The following GFPT1 variants were observed in gnomAD, a reference collection of about 807,000 sequenced individuals.
The protein encoded by GFPT1 is glutamine--fructose-6-phosphate transaminase 1.
Under a neutral mutation model 92.0 loss-of-function variants are expected in GFPT1, and 40 were observed. The ratio of observed to expected loss-of-function variants is 0.43; its 90% confidence interval spans 0.34 to 0.57. The LOEUF is 0.57. GFPT1 is among the 20% of genes least tolerant of loss of function. GFPT1 has a pLI of 0.02. For missense variants in GFPT1, 448 were observed against 869.1 expected (o/e 0.52, Z 6.09); for synonymous variants, 269 against 280.6 (o/e 0.96, Z 0.41).
chr2:69,356,378 G>T, intron 7 of GFPT1, 118 bp downstream of exon 7: 3 of 793,372 alleles, frequency 3.8e-6, no homozygotes, highest in South Asian at 1.4e-5. Context: ...ATGCTCACAT[G>T]AATATATCTA....
intron 13 of GFPT1, among the ~76,000 whole-genome samples, chr2:69,341,741 G>A (rs1267271646): frequency 6.6e-6 from 1 of 152,090 alleles, no homozygotes; most frequent in Non-Finnish European, 1.5e-5. Context: ...TTTCTTTGCA[G>A]TAATGTGCCC....
At chr2:69,346,660 T>C (rs1671090224) in intron 11 of GFPT1, among the ~76,000 whole-genome samples, 2 of 152,152 alleles carry the variant, frequency 1.3e-5, no homozygotes, top group African/African-American at 4.8e-5. Flanking sequence ...ACAGTATGGA[T>C]TGTAGTATGG....
chr2:69,344,667 T>C (rs1345262223), intron 12 of GFPT1, among the ~76,000 whole-genome samples: 5 of 151,960 alleles, frequency 3.3e-5, no homozygotes, highest in Non-Finnish European at 5.9e-5. Context: ...TTTTTTTTTT[T>C]TGAGACAGGT....
intron 1 of GFPT1, among the ~76,000 whole-genome samples, chr2:69,377,305 T>TA (rs1273340685): frequency 2.0e-5 from 3 of 151,784 alleles, no homozygotes; most frequent in Non-Finnish European, 4.4e-5. Context: ...ATAATACTTC[T>TA]AACTCCAATC....
chr2:69,379,235 A>C (rs1238737686), intron 1 of GFPT1, among the ~76,000 whole-genome samples: 1 of 152,056 alleles, frequency 6.6e-6, no homozygotes, highest in Non-Finnish European at 1.5e-5. Context: ...TCAGCTATAA[A>C]TTTTTCTACA....
At position 69,347,024 on chromosome 2, in the gene GFPT1, C is replaced by T. The variant is rs185197156; in HGVS notation, c.1010-1025G>A. Among the ~76,000 whole-genome samples the T allele has an allele frequency of 4.4e-4, 67 of 152,246 alleles. 1 individual carries two copies. Among genetic ancestry groups the T allele is most frequent in the African/African-American group, 1.5e-3 (63 of 41,534 alleles). Reference sequence around the variant, plus strand: ...TCCTGGGTTCAAGTGATTCTCCCACCTCAGCCTCCCCAGTCACTGAGACTA... The same window carrying T: ...TCCTGGGTTCAAGTGATTCTCCCACTTCAGCCTCCCCAGTCACTGAGACTA... On this transcript the variant is annotated intron_variant, in intron 11 of 19. Coordinates refer to ENST00000357308, the MANE Select transcript of GFPT1 (RefSeq NM_001244710.2).
chr2:69,350,486 G>A (rs766885240), intron 9 of GFPT1, among the ~76,000 whole-genome samples: 1 of 151,242 alleles, frequency 6.6e-6, no homozygotes, highest in Non-Finnish European at 1.5e-5. Flanking sequence ...AATATTAACC[G>A]GTTTTTTAAA....
intron 1 of GFPT1, among the ~76,000 whole-genome samples, chr2:69,386,581 A>T (rs1672133615): frequency 6.6e-6 from 1 of 152,240 alleles, no homozygotes; most frequent in African/African-American, 2.4e-5. Context: ...CCGTGGCTCT[A>T]GCTAGGGTCT....
intron 1 of GFPT1, among the ~76,000 whole-genome samples, chr2:69,383,088 A>T (rs1424564511): frequency 1.3e-5 from 2 of 152,230 alleles, no homozygotes; most frequent in Admixed American, 6.5e-5. Context: ...AGGCACCTGA[A>T]ATATACGGTC....
chr2:69,378,744 T>G (rs949320792), intron 1 of GFPT1, among the ~76,000 whole-genome samples: 1 of 152,234 alleles, frequency 6.6e-6, no homozygotes, highest in Non-Finnish European at 1.5e-5. Flanking sequence ...TATGTCCTTA[T>G]GAATACTAAA....
At chr2:69,356,825 A>G (rs900804276) in intron 6 of GFPT1, among the ~76,000 whole-genome samples, 4 of 151,456 alleles carry the variant, frequency 2.6e-5, no homozygotes, top group African/African-American at 9.7e-5. Context: ...GCAACCCCCA[A>G]CTCCCTGGTT....
rs562686018 is a variant in GFPT1 at position 69,322,228 on chromosome 2, T to C, written c.*3961A>G. 80 of 152,306 alleles carry C rather than the reference T, an allele frequency of 5.3e-4. No homozygotes were observed. The highest frequency in any genetic ancestry group is 1.9e-3 in the African/African-American group (77 of 41,584). The allele number at this position is 152,306 out of a possible 1,614,324, so 9.4% of individuals were successfully genotyped here. ...ATGTGAATATCATAAAATGAAAATA[T>C]CACTCCCTTCAATTTCTTTGGCCTT... On this transcript the variant is annotated 3_prime_UTR_variant, in exon 20 of 20. Transcript: ENST00000357308.
chr2:69,381,863 C>CT (rs200800795), intron 1 of GFPT1, among the ~76,000 whole-genome samples: 90,640 of 143,010 alleles, frequency 0.63, 29,521 homozygotes, highest in African/African-American at 0.83. Flanking sequence ...ACTTATAACT[C>CT]TTTTTTTTTT....
rs1233619283 is a variant in GFPT1, at chr2:69,363,581, C to G, written c.313G>C (p.Val105Leu). 5 of 1,613,856 alleles carry G rather than the reference C, an allele frequency of 3.1e-6. No individual in the cohort carries two copies. The highest frequency in any genetic ancestry group is 4.2e-6 in the Non-Finnish European group (5 of 1,179,852). The change falls in exon 4 of 20, where the codon GTC becomes CTC. Residue 105 changes from valine to leucine, a missense_variant. Around this residue, in one of 7 missense-constraint regions of GFPT1, gnomAD observed 118 missense variants for 192.9 expected, o/e 0.61. Transcript: ENST00000357308. ...RWATHGEPSPVNSHPQRSDKN... is the reference protein window; with the variant it reads ...RWATHGEPSPLNSHPQRSDKN... ...TCAGAGCGCTGGGGGTGGCTATTGA[C>G]AGGACTGGGTTCTCCATGTGTTGCC...
At chr2:69,342,889 C>T (rs890693499) in intron 12 of GFPT1, among the ~76,000 whole-genome samples, 7 of 152,184 alleles carry the variant, frequency 4.6e-5, no homozygotes, top group African/African-American at 1.7e-4. Context: ...TCTTTGCCGT[C>T]CCCATTCCCC....
intron 4 of GFPT1, among the ~76,000 whole-genome samples, chr2:69,360,981 T>C (rs1377301670): frequency 6.6e-6 from 1 of 152,052 alleles, no homozygotes; most frequent in Non-Finnish European, 1.5e-5. Context: ...GTGATCCACC[T>C]GCCTTGGCCT....
At position 69,357,614 on chromosome 2, in the gene GFPT1, A is replaced by G. The variant is rs551229413; in HGVS notation, c.543+715T>C. On this transcript the variant is annotated intron_variant, in intron 6 of 19. Coordinates refer to ENST00000357308, the MANE Select transcript of GFPT1 (RefSeq NM_001244710.2). ...TGCTACAGATATAAGATTTGGGTGC[A>G]GGTGGGAGAGAAGTGAGGGCTGGAC... Among the ~76,000 whole-genome samples, 3 of 152,330 alleles carry G rather than the reference A, an allele frequency of 2.0e-5. No individual in the cohort carries two copies. In the East Asian group the frequency reaches 5.8e-4, roughly 29 times the overall value.
intron 2 of GFPT1, 77 bp from the exon 3 acceptor site, chr2:69,370,185 T>A: frequency 1.2e-6 from 1 of 843,102 alleles, no homozygotes; most frequent in Non-Finnish European, 2.1e-6. Flanking sequence ...GCAAAATTTT[T>A]AATTAAAAAA....
At chr2:69,384,716 AAAAG>A (rs1219232745) in intron 1 of GFPT1, among the ~76,000 whole-genome samples, 8 of 150,908 alleles carry the variant, frequency 5.3e-5, no homozygotes, top group African/African-American at 1.5e-4. Flanking sequence ...AAAAAAAGAA[AAAAG>A]AAAGAAAGAA....
Sources: gnomAD v4.1 joint callset for allele counts (sites outside exome capture counted in the v4.1 genomes callset) on GRCh38, gnomAD v4.1.1 for gene constraint, gnomAD v4.1.1 regional missense constraint, MANE v1.5 for transcripts, NCBI Gene and HGNC (gene_info 2026-07-23, HGNC 2026-07-21) for gene names.